The following STK32C variants were observed in gnomAD, a reference collection of about 807,000 sequenced individuals.
STK32C encodes the protein serine/threonine-protein kinase 32C.
In STK32C, 31 loss-of-function variants were observed where a neutral mutation model predicts 56.5. The observed-to-expected ratio is 0.55, with a 90% CI of 0.41 to 0.74. The LOEUF (loss-of-function observed/expected upper bound fraction) is 0.74, where lower values mean the gene tolerates loss of function less well. Ranked by LOEUF, STK32C falls within the 30% of genes least tolerant of loss-of-function variation. The pLI is 0.00. For synonymous variants in STK32C, 309 were observed against 289.4 expected (o/e 1.07, Z -0.69); for missense variants, 544 against 676.9 (o/e 0.80, Z 2.18).
chr10:132,266,511 C>G (rs1041950800), intron 1 of STK32C, among the ~76,000 whole-genome samples: 1 of 152,156 alleles, frequency 6.6e-6, no homozygotes, highest in Non-Finnish European at 1.5e-5. Flanking sequence ...CAGGGACATT[C>G]TGTAGTGGAA....
chr10:132,266,718 G>A (rs989426916), intron 1 of STK32C, among the ~76,000 whole-genome samples: 7 of 151,912 alleles, frequency 4.6e-5, no homozygotes, highest in East Asian at 3.9e-4. Context: ...TGGGGGAGGC[G>A]CTGGGCAAGG....
Position 132,265,098 on chromosome 10 carries a change from A to G in STK32C, c.263-19143T>C, listed in dbSNP as rs527784361. 1.8e-3 allele frequency among the ~76,000 whole-genome samples: 188 copies of G among 104,156 alleles called. 2 individuals are homozygous for G. The highest frequency in any genetic ancestry group is 5.2e-3 in the African/African-American group (183 of 35,532). The allele number at this position is 104,156 out of a possible 152,430, so 68.3% of individuals were successfully genotyped here. On this transcript the variant is annotated intron_variant, in intron 1 of 11. Transcript: ENST00000298630. ...TGAGGTGGGCTCTGGGGGTGCCTCAAGGGCGGTGAGGTGGGCTCTGGGGGT... is the reference window on the plus strand; with the variant it reads ...TGAGGTGGGCTCTGGGGGTGCCTCAGGGGCGGTGAGGTGGGCTCTGGGGGT...
At chr10:132,232,258 C>T (rs1320038006) in intron 2 of STK32C, among the ~76,000 whole-genome samples, 2 of 152,222 alleles carry the variant, frequency 1.3e-5, no homozygotes, top group Admixed American at 6.5e-5. Flanking sequence ...CTGTCAGGCA[C>T]GTTGAAGGTG....
At chr10:132,300,712 C>G (rs2065886608) in intron 1 of STK32C, among the ~76,000 whole-genome samples, 1 of 152,178 alleles carries the variant, frequency 6.6e-6, no homozygotes, top group Non-Finnish European at 1.5e-5. Flanking sequence ...CCAGGGCAGG[C>G]AGGAGACCTG....
intron 1 of STK32C, among the ~76,000 whole-genome samples, chr10:132,270,369 A>T (rs2064775899): frequency 6.6e-6 from 1 of 152,254 alleles, no homozygotes; most frequent in South Asian, 2.1e-4. Context: ...CCACAAGTGA[A>T]GCACGGGCCC....
At chr10:132,293,685 G>C (rs1435901182) in intron 1 of STK32C, among the ~76,000 whole-genome samples, 1 of 152,228 alleles carries the variant, frequency 6.6e-6, no homozygotes, top group African/African-American at 2.4e-5. Context: ...GGCCAGAGTG[G>C]GGGTGGGGAG....
chr10:132,268,445 CTGTG>C (rs939383180), intron 1 of STK32C, among the ~76,000 whole-genome samples: 1 of 133,076 alleles, frequency 7.5e-6, no homozygotes, highest in African/African-American at 2.9e-5. Flanking sequence ...AGCTCTATGC[CTGTG>C]TGCATGCATG....
intron 1 of STK32C, among the ~76,000 whole-genome samples, chr10:132,260,307 G>C (rs1023180549): frequency 6.6e-6 from 1 of 152,140 alleles, no homozygotes; most frequent in East Asian, 1.9e-4. Context: ...CGGGGTCCTC[G>C]CAGGTGTCCG....
At chr10:132,331,472 G>A (rs1308040223) in exon 1 of STK32C, 6 of 1,612,590 alleles carry the variant, frequency 3.7e-6, no homozygotes, top group Admixed American at 1.7e-5. Flanking sequence ...CCGTCCAGAG[G>A]CAGCCTTACT....
intron 1 of STK32C, among the ~76,000 whole-genome samples, chr10:132,292,756 A>C (rs1445690152): frequency 6.6e-6 from 1 of 152,092 alleles, no homozygotes; most frequent in South Asian, 2.1e-4. Context: ...CTGGGAAGCC[A>C]CTCTCAGAGG....
At chr10:132,301,563 G>A (rs888419799) in intron 1 of STK32C, among the ~76,000 whole-genome samples, 8 of 152,226 alleles carry the variant, frequency 5.3e-5, no homozygotes, top group Middle Eastern at 3.2e-3. Flanking sequence ...CCAAAAGCAC[G>A]GGGCCACACT....
At chr10:132,306,494 C>T (rs998295307) in intron 1 of STK32C, among the ~76,000 whole-genome samples, 6 of 152,224 alleles carry the variant, frequency 3.9e-5, no homozygotes, top group Non-Finnish European at 8.8e-5. Flanking sequence ...CATGAATCCC[C>T]GGTGCCGTCT....
At chr10:132,319,290 T>G (rs554075855), downstream of STK32C, among the ~76,000 whole-genome samples, 15 of 152,322 alleles carry the variant, frequency 9.8e-5, no homozygotes, top group Admixed American at 9.8e-4. Flanking sequence ...TATTTTAAAT[T>G]TAAGCATAAT....
At chr10:132,302,041 G>C (rs1470057148) in intron 1 of STK32C, among the ~76,000 whole-genome samples, 4 of 152,200 alleles carry the variant, frequency 2.6e-5, no homozygotes, top group African/African-American at 7.2e-5. Context: ...AGGCCGGCTG[G>C]GTCAGCCGCA....
At chr10:132,256,622 G>A (rs1397439260) in intron 1 of STK32C, among the ~76,000 whole-genome samples, 1 of 152,160 alleles carries the variant, frequency 6.6e-6, no homozygotes, top group African/African-American at 2.4e-5. Flanking sequence ...CCAAACCGCT[G>A]GAGAGGTGGG....
At chr10:132,302,182 G>A (rs539045154) in intron 1 of STK32C, among the ~76,000 whole-genome samples, 51 of 152,314 alleles carry the variant, frequency 3.3e-4, no homozygotes, top group Admixed American at 1.0e-3. Flanking sequence ...GTGTCTCTGG[G>A]CTTCACCCGC....
At chr10:132,331,792 GT>G (rs2066762078) in exon 1 of STK32C, 1 of 1,604,712 alleles carries the variant, frequency 6.2e-7, no homozygotes, top group South Asian at 1.1e-5. Flanking sequence ...GACCCTCGCG[GT>G]CTCTACTTGC....
intron 2 of STK32C, among the ~76,000 whole-genome samples, chr10:132,242,848 G>C (rs1027471816): frequency 1.3e-5 from 2 of 152,254 alleles, no homozygotes; most frequent in African/African-American, 4.8e-5. Flanking sequence ...GGCAGCCAGA[G>C]GGGCGGCTCC....
chr10:132,227,903 CAG>C, intron 3 of STK32C, 72 bp downstream of exon 3: 2 of 1,557,964 alleles, frequency 1.3e-6, no homozygotes, highest in South Asian at 2.3e-5. Flanking sequence ...GCACCAAGGG[CAG>C]GAGAGGATAG....
Sources: allele counts gnomAD v4.1 joint callset (sites outside exome capture counted in the v4.1 genomes callset), GRCh38; gene constraint gnomAD v4.1.1; transcripts MANE v1.5; gene names NCBI Gene and HGNC (gene_info 2026-07-23, HGNC 2026-07-21).